TC2N: variants seen among roughly 807,000 people sequenced by gnomAD.
The protein encoded by TC2N is tandem C2 domains nuclear protein.
Under a neutral mutation model 61.9 loss-of-function variants are expected in TC2N, and 51 were observed. The observed-to-expected ratio is 0.82, with a 90% CI of 0.66 to 1.04. TC2N has a LOEUF of 1.04. Ranked by LOEUF, TC2N falls within the 50% of genes least tolerant of loss-of-function variation. The probability of loss-of-function intolerance (pLI) is 0.00; values close to 1 mark genes in which losing one functional copy is unlikely to be tolerated. For missense variants in TC2N, 556 were observed against 566.7 expected, an observed-to-expected ratio of 0.98 and a Z score of 0.19; for synonymous variants, 204 against 192.6, an observed-to-expected ratio of 1.06 and a Z score of -0.49.
At chr14:91,820,773 G>T (rs999406052) in intron 1 of TC2N, among the ~76,000 whole-genome samples, 3 of 150,320 alleles carry the variant, frequency 2.0e-5, no homozygotes, top group Admixed American at 1.3e-4. Context: ...AGATATAAGA[G>T]AAATATACAA....
intron 1 of TC2N, among the ~76,000 whole-genome samples, chr14:91,829,653 G>T (rs1193410927): frequency 6.6e-6 from 1 of 152,044 alleles, no homozygotes; most frequent in African/African-American, 2.4e-5. Context: ...TCTATGACTG[G>T]TTTTTCAAGC....
chr14:91,857,350 G>C (rs575373695), intron 1 of TC2N, among the ~76,000 whole-genome samples: 22 of 152,202 alleles, frequency 1.4e-4, no homozygotes, highest in Non-Finnish European at 2.6e-4. Context: ...AATGCAACGA[G>C]AGGAAAGCAC....
chr14:91,807,798 G>A (rs756147147), intron 3 of TC2N, among the ~76,000 whole-genome samples: 4 of 152,170 alleles, frequency 2.6e-5, no homozygotes, highest in African/African-American at 9.7e-5. Flanking sequence ...GAAATGTGAG[G>A]ATGTGAGACT....
At chr14:91,816,091 T>C (rs1297184528) in intron 1 of TC2N, among the ~76,000 whole-genome samples, 1 of 151,816 alleles carries the variant, frequency 6.6e-6, no homozygotes, top group African/African-American at 2.4e-5. Flanking sequence ...AGTAGCTTTG[T>C]GCACACATAT....
At chr14:91,848,376 G>C (rs1413694513) in intron 1 of TC2N, among the ~76,000 whole-genome samples, 1 of 152,204 alleles carries the variant, frequency 6.6e-6, no homozygotes, top group Non-Finnish European at 1.5e-5. Flanking sequence ...CGAGGGTCTA[G>C]CATGATACAG....
At chr14:91,841,175 G>C (rs559949138) in intron 1 of TC2N, among the ~76,000 whole-genome samples, 2 of 152,256 alleles carry the variant, frequency 1.3e-5, no homozygotes, top group South Asian at 4.2e-4. Context: ...CTGAGTAGCT[G>C]GTCCAAAGAG....
At chr14:91,804,576 A>C (rs2139849848) in intron 3 of TC2N, among the ~76,000 whole-genome samples, 1 of 152,322 alleles carries the variant, frequency 6.6e-6, no homozygotes, top group South Asian at 2.1e-4. Flanking sequence ...TACTGTACAG[A>C]TACAAAAACA....
intron 1 of TC2N, among the ~76,000 whole-genome samples, chr14:91,847,620 G>C (rs1246434812): frequency 1.3e-5 from 2 of 152,210 alleles, no homozygotes; most frequent in Non-Finnish European, 2.9e-5. Context: ...TTTCCAGTTT[G>C]TGAGGGAGCC....
At chr14:91,865,757 G>C (rs1303240751) in intron 1 of TC2N, among the ~76,000 whole-genome samples, 3 of 152,072 alleles carry the variant, frequency 2.0e-5, no homozygotes. Context: ...GTATAAAACA[G>C]ATGTCTTAAT....
chr14:91,782,874 T>G lies in TC2N; in HGVS notation c.*226A>C. On this transcript the variant is annotated 3_prime_UTR_variant, in exon 12 of 12. Coordinates refer to ENST00000435962, the MANE Select transcript of TC2N (RefSeq NM_001128596.3). ...TCCTAATAATACTTTGATTTTACTG[T>G]CTGTGTCTCTTGTTGCAGTTTTAAA... 4.5e-6 allele frequency: 2 copies of G among 443,442 alleles called. No individual in the cohort carries two copies. The highest frequency in any genetic ancestry group is 8.0e-6 in the Non-Finnish European group (2 of 251,024). 27.5% of individuals were successfully genotyped at this position (443,442 alleles called of 1,614,324 possible).
chr14:91,822,693 TG>T (rs1404293053), intron 1 of TC2N, among the ~76,000 whole-genome samples: 1 of 143,730 alleles, frequency 7.0e-6, no homozygotes, highest in Admixed American at 7.0e-5. Flanking sequence ...AACTTTGGAG[TG>T]GGGGTAATAT....
At chr14:91,841,162 A>G (rs748499518) in intron 1 of TC2N, among the ~76,000 whole-genome samples, 3 of 152,258 alleles carry the variant, frequency 2.0e-5, no homozygotes, top group Non-Finnish European at 4.4e-5. Flanking sequence ...CAACTCACCC[A>G]GGCTGAGTAG....
At chr14:91,857,931 C>T (rs964404055) in intron 1 of TC2N, among the ~76,000 whole-genome samples, 7 of 152,042 alleles carry the variant, frequency 4.6e-5, no homozygotes, top group African/African-American at 9.7e-5. Flanking sequence ...AGAGTAGAAG[C>T]TTGAAGAATA....
chr14:91,857,243 C>T (rs2139923547), intron 1 of TC2N, among the ~76,000 whole-genome samples: 1 of 152,334 alleles, frequency 6.6e-6, no homozygotes, highest in South Asian at 2.1e-4. Flanking sequence ...CCCTGGTACA[C>T]CCATAGTGTA....
intron 1 of TC2N, among the ~76,000 whole-genome samples, chr14:91,854,562 T>C (rs1453795125): frequency 6.6e-6 from 1 of 151,610 alleles, no homozygotes; most frequent in Admixed American, 6.6e-5. Flanking sequence ...AGATTCCTAT[T>C]TGAAGATGCA....
At chr14:91,844,234 G>A (rs897162538) in intron 1 of TC2N, among the ~76,000 whole-genome samples, 2 of 152,078 alleles carry the variant, frequency 1.3e-5, no homozygotes, top group African/African-American at 2.4e-5. Context: ...ACAATTTGGC[G>A]TTTCCTACAA....
intron 11 of TC2N, among the ~76,000 whole-genome samples, chr14:91,784,760 T>G (rs1368320752): frequency 6.6e-6 from 1 of 152,062 alleles, no homozygotes; most frequent in East Asian, 1.9e-4. Context: ...CTAACTCAGG[T>G]AAGAGAATAT....
rs975065796 is a variant in TC2N at position 91,837,797 on chromosome 14, G to A, written c.-56-23972C>T. The stretch of plus-strand genomic sequence containing the variant: ...GATCCTGCATCTCCCAAATGTGTTT[G>A]ACCATAGAACTCTTTTCTTGAGAAA... On this transcript the variant is annotated intron_variant, in intron 1 of 11. Transcript: ENST00000435962. This position sits in a 1 kb window ranked among gnomAD's most constrained non-coding sequence, Gnocchi z 4.2. Among the ~76,000 whole-genome samples the A allele has an allele frequency of 1.3e-5, 2 of 152,200 alleles. No individual in the cohort carries two copies. The highest frequency in any genetic ancestry group is 4.8e-5 in the African/African-American group (2 of 41,448).
chr14:91,789,806 T>C lies in TC2N; in HGVS notation c.1048-2179A>G, dbSNP rs148099577. Among the ~76,000 whole-genome samples, 3 of 152,216 alleles carry C rather than the reference T, an allele frequency of 2.0e-5. 1 individual carries two copies. The highest frequency in any genetic ancestry group is 3.8e-4 in the East Asian group (2 of 5,206). On this transcript the variant is annotated intron_variant, in intron 9 of 11. Coordinates refer to ENST00000435962, the MANE Select transcript of TC2N (RefSeq NM_001128596.3). ...TAAAATTCCAATCAATTAGCAGTTA[T>C]GTATTGCCTGCATTTAATAAGCACA...
Sources: gnomAD v4.1 joint callset for allele counts (sites outside exome capture counted in the v4.1 genomes callset) on GRCh38, gnomAD v4.1.1 for gene constraint, Gnocchi (gnomAD v3.1) non-coding constraint, MANE v1.5 for transcripts, NCBI Gene and HGNC (gene_info 2026-07-23, HGNC 2026-07-21) for gene names.